The following SCN8A variants were observed in gnomAD, a reference collection of about 807,000 sequenced individuals.
The protein encoded by SCN8A is sodium channel protein type 8 subunit alpha.
In SCN8A, 30 loss-of-function variants were observed where a neutral mutation model predicts 184.1. The ratio of observed to expected loss-of-function variants is 0.16; its 90% CI spans 0.12 to 0.22. SCN8A has a LOEUF of 0.22. Ranked by LOEUF, SCN8A falls within the 10% of genes least tolerant of loss-of-function variation. The pLI is 1.00. For synonymous variants in SCN8A, 852 were observed against 907.0 expected (o/e 0.94, Z 1.09); for missense variants, 1,057 against 2,498.9 (o/e 0.42, Z 12.30).
At chr12:51,626,224 A>G (rs547071546) in intron 1 of SCN8A, among the ~76,000 whole-genome samples, 5 of 152,080 alleles carry the variant, frequency 3.3e-5, no homozygotes, top group Admixed American at 6.6e-5. Context: ...TCCTGGGTTG[A>G]TTTAGGGCAG....
chr12:51,701,077 G>A lies in SCN8A; in HGVS notation c.929-67G>A. On this transcript the variant is annotated intron_variant, in intron 7 of 26. Transcript: ENST00000627620. ...TTTCTGCTGGGGCTAGTTAGGAACA[G>A]TGTAACCTTATTCTCTCATTCACTT... The A allele has an allele frequency of 1.7e-5, 19 of 1,086,688 alleles. No homozygotes were observed. The South Asian group carries it at 2.0e-4, about 12-fold the overall frequency. 67.3% of individuals were successfully genotyped at this position (1,086,688 alleles called of 1,614,324 possible). A position where few individuals can be genotyped will look rare whatever the true frequency, so the allele number is the denominator to read the frequency against.
intron 9 of SCN8A, among the ~76,000 whole-genome samples, chr12:51,703,893 T>C (rs541842630): frequency 6.6e-6 from 1 of 152,228 alleles, no homozygotes; most frequent in South Asian, 2.1e-4. Flanking sequence ...ATATTTGTGA[T>C]TGATGCTGTT....
chr12:51,767,410 A>G (rs910661337), intron 16 of SCN8A, among the ~76,000 whole-genome samples: 3 of 152,192 alleles, frequency 2.0e-5, no homozygotes, highest in Non-Finnish European at 2.9e-5. Context: ...CTAGGAACCT[A>G]TAACTTTGGA....
chr12:51,697,902 G>A (rs888373683), intron 6 of SCN8A, among the ~76,000 whole-genome samples: 4 of 152,222 alleles, frequency 2.6e-5, no homozygotes, highest in African/African-American at 9.7e-5. Flanking sequence ...AGGCTGGAGT[G>A]CAGTGGCGCA....
intron 12 of SCN8A, among the ~76,000 whole-genome samples, chr12:51,734,253 G>GAC (rs1036245838): frequency 2.0e-5 from 3 of 152,054 alleles, no homozygotes; most frequent in East Asian, 1.9e-4. Flanking sequence ...AGGAATTAAA[G>GAC]ACACACACAC....
At chr12:51,666,261 T>C (rs1941030854) in intron 2 of SCN8A, among the ~76,000 whole-genome samples, 1 of 152,216 alleles carries the variant, frequency 6.6e-6, no homozygotes, top group South Asian at 2.1e-4. Context: ...GCATGTTGCC[T>C]TTCCTTCAGG....
chr12:51,764,368 C>T (rs954160024), intron 15 of SCN8A, among the ~76,000 whole-genome samples: 36 of 152,340 alleles, frequency 2.4e-4, no homozygotes, highest in Non-Finnish European at 4.0e-4. Context: ...GGCACAGTGG[C>T]TTACACCTGT....
In SCN8A at chr12:51,636,494, CTT is replaced by C. The variant is rs761292286; in HGVS notation, c.-54-26267_-54-26266del. ...GTCATACTCCCAAATCATCATTTAA[CTT>C]TTATTGCAGAGATCCTAAACTATGG... On this transcript the variant is annotated intron_variant, in intron 1 of 26. Transcript: ENST00000627620. Among the ~76,000 whole-genome samples the C allele has an allele frequency of 9.9e-5, 15 of 152,278 alleles. No homozygotes were observed. The South Asian group carries it at 1.7e-3, about 17-fold the overall frequency.
intron 26 of SCN8A, among the ~76,000 whole-genome samples, chr12:51,797,843 G>T (rs896115928): frequency 1.5e-4 from 23 of 152,108 alleles, no homozygotes; most frequent in Non-Finnish European, 2.5e-4. Context: ...TTAACTTCAG[G>T]TTTAATGGAA....
Position 51,806,268 on chromosome 12 carries a change from A to G in SCN8A, c.4796-14A>G. On this transcript the variant is annotated splice_polypyrimidine_tract_variant and intron_variant, in intron 26 of 26. Coordinates refer to ENST00000627620, the MANE Select transcript of SCN8A (RefSeq NM_001330260.2). The surrounding 1 kb of genome is among the most constrained non-coding windows in gnomAD (Gnocchi z 8.7). ...CCATCTCAATAACATAACTTCTTCT[A>G]TTCCTCTTCTTAGGAATGTTCCTGG... 2 of 1,507,826 alleles carry G rather than the reference A, an allele frequency of 1.3e-6. No individual in the cohort carries two copies. The highest frequency in any genetic ancestry group is 1.8e-6 in the Non-Finnish European group (2 of 1,129,878). 93.4% of individuals were successfully genotyped at this position (1,507,826 alleles called of 1,614,324 possible).
At chr12:51,770,820 G>A in intron 19 of SCN8A, 137 bp downstream of exon 19, 1 of 874,538 alleles carries the variant, frequency 1.1e-6, no homozygotes, top group Middle Eastern at 2.7e-4. Flanking sequence ...ATCTGTTAAA[G>A]TGCTTTAGGC....
At chr12:51,677,159 C>T (rs1360831678) in intron 2 of SCN8A, among the ~76,000 whole-genome samples, 1 of 151,538 alleles carries the variant, frequency 6.6e-6, no homozygotes, top group Non-Finnish European at 1.5e-5. Context: ...GCAGAGCTCA[C>T]TGCAGTTTCA....
At chr12:51,640,293 C>G (rs1940424820) in intron 1 of SCN8A, among the ~76,000 whole-genome samples, 2 of 120,124 alleles carry the variant, frequency 1.7e-5, no homozygotes, top group Non-Finnish European at 3.2e-5. Context: ...TACAGCATAG[C>G]ATAAACATAA....
chr12:51,722,043 C>T (rs1233301673), intron 12 of SCN8A, 135 bp downstream of exon 12: 1 of 1,436,298 alleles, frequency 7.0e-7, no homozygotes, highest in Admixed American at 1.8e-5. Flanking sequence ...TCTGTCTGGA[C>T]CCCACTCCTG....
At chr12:51,720,484 T>G (rs1266146119) in intron 11 of SCN8A, among the ~76,000 whole-genome samples, 1 of 144,838 alleles carries the variant, frequency 6.9e-6, no homozygotes. Flanking sequence ...AGGGAGAGCA[T>G]TAGGAGAAAT....
intron 19 of SCN8A, 140 bp from the exon 20 acceptor site, chr12:51,774,049 G>A (rs2138878607): frequency 1.8e-6 from 1 of 564,958 alleles, no homozygotes; most frequent in East Asian, 2.9e-5. Flanking sequence ...AAAAGCCTGT[G>A]TAGTCGGGGA....
At chr12:51,753,753 C>T (rs1402832121) in intron 14 of SCN8A, among the ~76,000 whole-genome samples, 1 of 152,048 alleles carries the variant, frequency 6.6e-6, no homozygotes, top group Non-Finnish European at 1.5e-5. Flanking sequence ...AAATGAGAAC[C>T]TATATGGAAG....
chr12:51,759,020 G>A (rs1157840041), intron 14 of SCN8A, among the ~76,000 whole-genome samples: 1 of 151,656 alleles, frequency 6.6e-6, no homozygotes, highest in Admixed American at 6.6e-5. Flanking sequence ...ATATACGTGT[G>A]TGTATATGTA....
chr12:51,684,476 A>AT (rs990505656), intron 3 of SCN8A, among the ~76,000 whole-genome samples, 184 bp downstream of exon 3: 2 of 151,830 alleles, frequency 1.3e-5, no homozygotes, highest in Admixed American at 6.6e-5. Context: ...GCAAATTATT[A>AT]TTTTTTTTCT....
Sources: gnomAD v4.1 joint callset for allele counts (sites outside exome capture counted in the v4.1 genomes callset) on GRCh38, gnomAD v4.1.1 for gene constraint, Gnocchi (gnomAD v3.1) non-coding constraint, MANE v1.5 for transcripts, NCBI Gene and HGNC (gene_info 2026-07-23, HGNC 2026-07-21) for gene names.